Variants in ANK2 observed in about 807,000 individuals in gnomAD.
ANK2 encodes the protein ankyrin-2.
ANK2 carries 83 observed loss-of-function variants against 360.5 expected under a neutral mutation model. That is an observed-to-expected ratio of 0.23 (90% CI 0.19 to 0.28). The LOEUF is 0.28. Ranked by LOEUF, ANK2 falls within the 10% of genes least tolerant of loss-of-function variation. The pLI is 1.00. For synonymous variants in ANK2, 1,740 were observed against 1,759.5 expected, an observed-to-expected ratio of 0.99 and a Z score of 0.28; for missense variants, 4,201 against 4,795.7, an observed-to-expected ratio of 0.88 and a Z score of 3.66.
intron 1 of ANK2, among the ~76,000 whole-genome samples, chr4:112,873,399 T>C (rs2073930058): frequency 6.6e-6 from 1 of 152,072 alleles, no homozygotes; most frequent in South Asian, 2.1e-4. Context: ...TAGTATGTCG[T>C]ATTTTCATTT....
At chr4:112,858,719 A>C (rs78517991) in intron 1 of ANK2, among the ~76,000 whole-genome samples, 9,263 of 152,250 alleles carry the variant, frequency 0.061, 509 homozygotes, top group African/African-American at 0.14. Flanking sequence ...CTATTTAACT[A>C]TCTTATTTTC....
rs1442897086 is a variant in ANK2, at chr4:112,901,915, A to T, written c.-39-2540A>T. The stretch of plus-strand genomic sequence containing the variant: ...AAAAAGAGATGTAATATATTTCACC[A>T]TGGAAAGTTATTCAACAGCCAGGGG... On this transcript the variant is annotated intron_variant, in intron 1 of 30. Transcript: ENST00000503271. Among the ~76,000 whole-genome samples the T allele has an allele frequency of 3.3e-5, 5 of 152,066 alleles. No homozygotes were observed. In the East Asian group the frequency reaches 9.6e-4, roughly 29 times the overall value.
intron 7 of ANK2, among the ~76,000 whole-genome samples, chr4:113,238,039 T>C (rs911442867): frequency 4.6e-5 from 7 of 152,194 alleles, no homozygotes; most frequent in Non-Finnish European, 1.0e-4. Context: ...TGTTGCCCTT[T>C]TTTTTTCTGT....
intron 5 of ANK2, among the ~76,000 whole-genome samples, chr4:113,233,138 T>TAAGATAA (rs2099338110): frequency 2.5e-5 from 1 of 40,262 alleles, no homozygotes; most frequent in African/African-American, 9.4e-5. Context: ...TTTTTTTTTT[T>TAAGATAA]TTTTTTTTTT....
chr4:112,775,515 T>TCACACACACACACACACA, the ANK2 span, among the ~76,000 whole-genome samples: 7,825 of 118,022 alleles, frequency 0.066, 439 homozygotes, highest in African/African-American at 0.12. Flanking sequence ...CTAAGCTCCA[T>TCACACACACACACACACA]CACACACACA....
intron 1 of ANK2, among the ~76,000 whole-genome samples, chr4:113,155,328 G>C (rs1271270591): frequency 6.6e-6 from 1 of 152,050 alleles, no homozygotes; most frequent in Non-Finnish European, 1.5e-5. Context: ...TTGAGTTCAG[G>C]TATTTCCTCA....
intron 2 of ANK2, among the ~76,000 whole-genome samples, chr4:112,911,503 A>G (rs891824525): frequency 2.6e-5 from 4 of 152,002 alleles, no homozygotes; most frequent in African/African-American, 7.2e-5. Flanking sequence ...AGCCTGGGCA[A>G]CAGAGCGATA....
At chr4:112,994,956 A>G (rs1007754320) in intron 2 of ANK2, among the ~76,000 whole-genome samples, 8 of 152,210 alleles carry the variant, frequency 5.3e-5, no homozygotes, top group Admixed American at 1.3e-4. Context: ...TTATGGCTGC[A>G]TAGTATTCCA....
chr4:113,287,258 A>G (rs145368117), intron 18 of ANK2, among the ~76,000 whole-genome samples: 2 of 152,230 alleles, frequency 1.3e-5, no homozygotes, highest in Non-Finnish European at 2.9e-5. Flanking sequence ...AGCTATTTAA[A>G]TAAATAAGTT....
chr4:113,075,641 A>G (rs2079610209), intron 1 of ANK2, among the ~76,000 whole-genome samples: 1 of 152,202 alleles, frequency 6.6e-6, no homozygotes, highest in Non-Finnish European at 1.5e-5. Context: ...TTGGGCATGC[A>G]AGCATTATTT....
rs554077979 is a variant in ANK2, at chr4:112,990,486, G to GT, written c.21+85982dup. On this transcript the variant is annotated intron_variant, in intron 2 of 30. Transcript: ENST00000503271. ...TTATGTCCAGCATGTTTGTCAGAGGGTTTTTTTTTTATACCTGTCTTGGTG... is the reference window on the plus strand; with the variant it reads ...TTATGTCCAGCATGTTTGTCAGAGGGTTTTTTTTTTTATACCTGTCTTGGTG... Among the ~76,000 whole-genome samples the GT allele has an allele frequency of 6.1e-3, 894 of 146,896 alleles. 10 individuals are homozygous for GT. The highest frequency in any genetic ancestry group is 0.021 in the African/African-American group (834 of 40,120).
intron 31 of ANK2, among the ~76,000 whole-genome samples, chr4:113,338,432 A>G (rs1335419555): frequency 6.6e-6 from 1 of 151,326 alleles, no homozygotes; most frequent in Non-Finnish European, 1.5e-5. Context: ...AGCTCTTACT[A>G]TTTCACAAAC....
chr4:113,043,306 G>A (rs1253242391), intron 2 of ANK2, among the ~76,000 whole-genome samples: 2 of 152,056 alleles, frequency 1.3e-5, no homozygotes, highest in Non-Finnish European at 2.9e-5. Flanking sequence ...GGTCTTCTAT[G>A]GAAAAGAAGA....
Position 113,341,736 on chromosome 4 carries a change from A to G in ANK2, c.3942A>G (p.Ala1314=), listed in dbSNP as rs1354044629. The G allele has an allele frequency of 6.2e-7, 1 of 1,614,182 alleles. No individual in the cohort carries two copies. Residue 1314 remains alanine (A), a synonymous_variant, in exon 33 of 46, where the codon GCA becomes GCG. Transcript: ENST00000357077. ...CRQIQESVTF[A]SQVYREIICV... Reference sequence around the variant, plus strand: ...AGATCCAGGAATCCGTTACTTTTGCATCACAAGTATACAGAGAAATTATCT... The same window carrying G: ...AGATCCAGGAATCCGTTACTTTTGCGTCACAAGTATACAGAGAAATTATCT...
At chr4:112,873,146 T>C (rs2073843864) in intron 1 of ANK2, among the ~76,000 whole-genome samples, 1 of 152,132 alleles carries the variant, frequency 6.6e-6, no homozygotes, top group African/African-American at 2.4e-5. Context: ...TTTTGTTAAT[T>C]TGTTGACTTT....
At chr4:113,252,375 A>T (rs892268408) in intron 10 of ANK2, among the ~76,000 whole-genome samples, 1 of 151,722 alleles carries the variant, frequency 6.6e-6, no homozygotes. Flanking sequence ...TTCCATAAAA[A>T]CTCCTAGGTT....
At chr4:112,706,168 C>G in the ANK2 span, among the ~76,000 whole-genome samples, 3 of 151,688 alleles carry the variant, frequency 2.0e-5, no homozygotes, top group Non-Finnish European at 2.9e-5. Context: ...ACCTCCCCGG[C>G]CCCGGAAGGC....
At chr4:112,866,895 G>A (rs1323684344) in intron 1 of ANK2, among the ~76,000 whole-genome samples, 1 of 151,802 alleles carries the variant, frequency 6.6e-6, no homozygotes, top group East Asian at 1.9e-4. Flanking sequence ...TTATTTCCTT[G>A]TATCAAATCT....
chr4:113,219,860 G>A (rs362475), intron 4 of ANK2, among the ~76,000 whole-genome samples: 4,257 of 152,156 alleles, frequency 0.028, 97 homozygotes, highest in East Asian at 0.068. Flanking sequence ...GTATATACCA[G>A]ACTAGGATAT....
Sources: allele counts gnomAD v4.1 joint callset (sites outside exome capture counted in the v4.1 genomes callset), GRCh38; gene constraint gnomAD v4.1.1; transcripts MANE v1.5; gene names NCBI Gene and HGNC (gene_info 2026-07-23, HGNC 2026-07-21).